LSM12: variants seen among roughly 807,000 people sequenced by gnomAD.
LSM12 encodes the protein protein LSM12.
For synonymous variants in LSM12, 74 were observed against 87.3 expected (o/e 0.85, Z 0.85); for missense variants, 108 against 238.9 (o/e 0.45, Z 3.61).
At chr17:44,045,359 A>G (rs767889796) in intron 2 of LSM12, among the ~76,000 whole-genome samples, 3 of 152,098 alleles carry the variant, frequency 2.0e-5, no homozygotes, top group Non-Finnish European at 4.4e-5. Context: ...CCTTTACTAG[A>G]TATTTCATAT....
At chr17:44,047,911 T>C (rs2049590794) in intron 2 of LSM12, among the ~76,000 whole-genome samples, 1 of 151,544 alleles carries the variant, frequency 6.6e-6, no homozygotes, top group Non-Finnish European at 1.5e-5. Context: ...TGGCTGGGCG[T>C]GGTCACTCAC....
chr17:44,051,202 C>G (rs1383037064), intron 2 of LSM12, among the ~76,000 whole-genome samples: 1 of 151,798 alleles, frequency 6.6e-6, no homozygotes, highest in South Asian at 2.1e-4. Context: ...ATCAGGAGTT[C>G]CAGACCAGCC....
intron 2 of LSM12, among the ~76,000 whole-genome samples, chr17:44,055,806 A>G (rs1205244684): frequency 6.7e-6 from 1 of 149,934 alleles, no homozygotes; most frequent in African/African-American, 2.4e-5. Flanking sequence ...TATGTCCACA[A>G]ACATAGGCCA....
chr17:44,063,999 G>A, intron 1 of LSM12, 65 bp from the exon 2 acceptor site: 2 of 1,566,892 alleles, frequency 1.3e-6, no homozygotes, highest in Non-Finnish European at 1.7e-6. Context: ...ATCCCAAAAG[G>A]GGCATAGAAA....
At chr17:44,066,122 TC>T (rs1275017068) in intron 1 of LSM12, among the ~76,000 whole-genome samples, 2 of 151,012 alleles carry the variant, frequency 1.3e-5, no homozygotes, top group Non-Finnish European at 3.0e-5. Flanking sequence ...CGGGCTCCAA[TC>T]CATCAGCCCC....
At chr17:44,058,143 A>G (rs2049743936) in intron 2 of LSM12, among the ~76,000 whole-genome samples, 1 of 151,772 alleles carries the variant, frequency 6.6e-6, no homozygotes, top group Admixed American at 6.6e-5. Context: ...AGGCTGAGGC[A>G]GGAGAATGGC....
rs1236351781 is a variant in LSM12, at chr17:44,042,635, G to GCTCACTGCAAGCTCCA, written c.259-2395_259-2380dup. 1.3e-4 allele frequency among the ~76,000 whole-genome samples: 15 copies of GCTCACTGCAAGCTCCA among 117,626 alleles called. No individual in the cohort carries two copies. In the South Asian group the frequency reaches 4.3e-3, roughly 34 times the overall value. The allele number at this position is 117,626 out of a possible 152,430, so 77.2% of individuals were successfully genotyped here. A position where few individuals can be genotyped will look rare whatever the true frequency, so the allele number is the denominator to read the frequency against. ...GCTGGAGTGCAGTGGCGCAAGCTCT[G>GCTCACTGCAAGCTCCA]CTCACTGCAAGCTCCACCTCCCAGG... On this transcript the variant is annotated intron_variant, in intron 2 of 4. Coordinates refer to ENST00000293406, the MANE Select transcript of LSM12 (RefSeq NM_001371445.1).
rs1056634685 is a variant in LSM12 at position 44,058,232 on chromosome 17, G to A, written c.258+5569C>T. Reference sequence around the variant, plus strand: ...AGCCTGGGCGACTGAGCAAGACTCCGTCTCAAAAAAAAAATAATAAATAAT... The same window carrying A: ...AGCCTGGGCGACTGAGCAAGACTCCATCTCAAAAAAAAAATAATAAATAAT... On this transcript the variant is annotated intron_variant, in intron 2 of 4. Transcript: ENST00000293406. Among the ~76,000 whole-genome samples, 22 of 150,326 alleles carry A rather than the reference G, an allele frequency of 1.5e-4. No individual in the cohort carries two copies. The South Asian group carries it at 2.7e-3, about 19-fold the overall frequency.
rs144787331 is a variant in LSM12, at chr17:44,048,280, G to A, written c.259-8024C>T. On this transcript the variant is annotated intron_variant, in intron 2 of 4. Transcript: ENST00000293406. ...GCAGATCACTTGAGCCCAGGAGTTCGAAACCAGCCTGGTCAACATAGCGAA... is the reference window on the plus strand; with the variant it reads ...GCAGATCACTTGAGCCCAGGAGTTCAAAACCAGCCTGGTCAACATAGCGAA... Among the ~76,000 whole-genome samples, 930 of 151,580 alleles carry A rather than the reference G, an allele frequency of 6.1e-3. 8 individuals carry two copies. Among genetic ancestry groups the A allele is most frequent in the African/African-American group, 0.021 (882 of 41,276 alleles).
chr17:44,038,383 G>A (rs2016540), intron 3 of LSM12, among the ~76,000 whole-genome samples: 1 of 151,080 alleles, frequency 6.6e-6, no homozygotes, highest in African/African-American at 2.4e-5. Flanking sequence ...AGAAAGGCCA[G>A]GCACAGTGGC....
At chr17:44,048,844 T>C (rs2049605856) in intron 2 of LSM12, among the ~76,000 whole-genome samples, 2 of 152,266 alleles carry the variant, frequency 1.3e-5, no homozygotes, top group Admixed American at 6.5e-5. Flanking sequence ...AGCACCTTGA[T>C]GTGGGCAAAG....
Position 44,066,096 on chromosome 17 carries a change from G to T in LSM12, c.124+368C>A, listed in dbSNP as rs566844098. Among the ~76,000 whole-genome samples the T allele has an allele frequency of 1.2e-4, 18 of 148,212 alleles. No homozygotes were observed. The South Asian group carries it at 1.9e-3, about 16-fold the overall frequency. ...CACCCCTCCCCATAATATTTCACCC[G>T]CCCCTCCTTTCCATCCGGGCTCCAA... is the stretch of plus-strand genomic sequence containing the variant. On this transcript the variant is annotated intron_variant, in intron 1 of 4. Coordinates refer to ENST00000293406, the MANE Select transcript of LSM12 (RefSeq NM_001371445.1).
intron 1 of LSM12, among the ~76,000 whole-genome samples, chr17:44,064,988 C>G (rs2049851697): frequency 6.6e-6 from 1 of 151,554 alleles, no homozygotes; most frequent in African/African-American, 2.4e-5. Context: ...AAAAAATTAG[C>G]CGGGCACGGT....
intron 2 of LSM12, among the ~76,000 whole-genome samples, chr17:44,060,235 T>G (rs2049778841): frequency 6.6e-6 from 1 of 152,194 alleles, no homozygotes; most frequent in Admixed American, 6.6e-5. Context: ...CAACTGAAAC[T>G]TCAACAGTTT....
intron 3 of LSM12, among the ~76,000 whole-genome samples, chr17:44,039,538 C>T (rs1218067881): frequency 6.6e-6 from 1 of 150,720 alleles, no homozygotes. Flanking sequence ...CCCGCCACCG[C>T]GCCCGGCTAA....
At chr17:44,066,428 C>T in intron 1 of LSM12, 36 bp downstream of exon 1, 5 of 1,542,238 alleles carry the variant, frequency 3.2e-6, no homozygotes, top group Admixed American at 2.0e-5. Context: ...CACCTACACG[C>T]CGGCCCGGAC....
chr17:44,056,373 G>A (rs553583844), intron 2 of LSM12, among the ~76,000 whole-genome samples: 23 of 152,150 alleles, frequency 1.5e-4, no homozygotes, highest in Non-Finnish European at 2.9e-4. Context: ...GGAGGCTGAG[G>A]TGGGAGGATC....
intron 2 of LSM12, among the ~76,000 whole-genome samples, chr17:44,053,994 G>A (rs911003934): frequency 6.6e-6 from 1 of 152,144 alleles, no homozygotes; most frequent in Admixed American, 6.6e-5. Context: ...TCCACGTCAA[G>A]GGTAGGGTGC....
intron 4 of LSM12, 36 bp downstream of exon 4, chr17:44,037,376 C>T (rs1291778919): frequency 6.5e-7 from 1 of 1,544,460 alleles, no homozygotes; most frequent in African/African-American, 1.4e-5. Flanking sequence ...AGGAACCATC[C>T]TCTCTCCCCT....
Sources: gnomAD v4.1 joint callset for allele counts (sites outside exome capture counted in the v4.1 genomes callset) on GRCh38, gnomAD v4.1.1 for gene constraint, MANE v1.5 for transcripts, NCBI Gene and HGNC (gene_info 2026-07-23, HGNC 2026-07-21) for gene names.